Variants in MRPL18 observed in about 807,000 individuals in gnomAD.
The protein encoded by MRPL18 is mitochondrial ribosomal protein L18.
Under a neutral mutation model 20.9 loss-of-function variants are expected in MRPL18, and 16 were observed. The observed-to-expected ratio is 0.76, with a 90% CI of 0.52 to 1.16. The LOEUF is 1.16. Ranked by LOEUF, MRPL18 falls within the 50% of genes most tolerant of loss-of-function variation. MRPL18 has a pLI of 0.00. For missense variants in MRPL18, 233 were observed against 230.6 expected, an observed-to-expected ratio of 1.01 and a Z score of -0.07; for synonymous variants, 91 against 87.1, an observed-to-expected ratio of 1.04 and a Z score of -0.25.
Position 159,790,484 on chromosome 6 carries a change from C to T in MRPL18, c.-104C>T. 1 of 1,501,264 alleles carries T rather than the reference C, an allele frequency of 6.7e-7. No individual in the cohort carries two copies. The highest frequency in any genetic ancestry group is 1.1e-5 in the South Asian group (1 of 87,246). 93.0% of individuals were successfully genotyped at this position (1,501,264 alleles called of 1,614,324 possible). ...CTGGCGTGGAGAGTTTGGGGATCTA[C>T]AGCAGCCAAAGGCTTGTCCCTGACT... On this transcript the variant is annotated 5_prime_UTR_variant, in exon 1 of 4. Transcript: ENST00000367034.
intron 2 of MRPL18, among the ~76,000 whole-genome samples, chr6:159,795,711 T>C (rs1036733325): frequency 6.6e-6 from 1 of 152,262 alleles, no homozygotes; most frequent in Admixed American, 6.5e-5. Context: ...TTGATCATTT[T>C]CTTGTTAATT....
At chr6:159,790,259 C>T (rs1444009500), upstream of MRPL18, among the ~76,000 whole-genome samples, 1 of 152,156 alleles carries the variant, frequency 6.6e-6, no homozygotes, top group East Asian at 1.9e-4. Context: ...GTAGAAAACC[C>T]AAACATGGTT....
chr6:159,793,356 G>A (rs1385940157), intron 2 of MRPL18, among the ~76,000 whole-genome samples: 2 of 111,260 alleles, frequency 1.8e-5, no homozygotes, highest in African/African-American at 3.0e-5. Flanking sequence ...CTAAAAACTT[G>A]TTTTTACTTT....
chr6:159,790,706 G>A (rs956980408), intron 1 of MRPL18, 67 bp downstream of exon 1: 2 of 1,580,838 alleles, frequency 1.3e-6, no homozygotes, highest in African/African-American at 1.4e-5. Context: ...TGGAACGTGC[G>A]GGTTCTATTT....
chr6:159,797,484 A>C lies in MRPL18; in HGVS notation c.437A>C (p.Tyr146Ser), dbSNP rs1583157333. The change falls in exon 3 of 4, where the codon TAC becomes TCC. Residue 146 changes from tyrosine (Y) to serine (S), a missense_variant. Tyr to Ser is a moderately radical substitution (Grantham distance 144). Transcript: ENST00000367034. ...CLEAGINFMV[Y>S]QPTPWEAASD... ...GAGGCGGGAATCAACTTCATGGTCT[A>C]CCAACCAACCCCGTGGGAGGCAGCC... is the stretch of plus-strand genomic sequence containing the variant. The C allele has an allele frequency of 6.2e-7, 1 of 1,614,230 alleles. No individual in the cohort carries two copies.
chr6:159,791,191 C>T (rs1780886218), intron 2 of MRPL18, 65 bp downstream of exon 2: 4 of 1,562,754 alleles, frequency 2.6e-6, no homozygotes, highest in Non-Finnish European at 2.6e-6. Context: ...ATTCATTCAA[C>T]TCCAGGCACT....
chr6:159,790,587 G>A lies in MRPL18; in HGVS notation c.-1G>A, dbSNP rs1780848668. 1.2e-6 allele frequency: 2 copies of A among 1,601,006 alleles called. No homozygotes were observed. The highest frequency in any genetic ancestry group is 1.7e-6 in the Non-Finnish European group (2 of 1,175,688). On this transcript the variant is annotated 5_prime_UTR_variant, in exon 1 of 4. Coordinates refer to ENST00000367034, the MANE Select transcript of MRPL18 (RefSeq NM_014161.5). ...GAGGCTTTTCCGAGATCGTCTCAGCGATGGCGCTTCGGTCGCGGTTTTGGG... is the reference window on the plus strand; with the variant it reads ...GAGGCTTTTCCGAGATCGTCTCAGCAATGGCGCTTCGGTCGCGGTTTTGGG...
Position 159,798,183 on chromosome 6 carries a change from A to C in MRPL18, c.*60A>C. ...AAATCTGTCAGCCACTACAGCCATCAAAAGAGAGCATCTGGAAGAACAGCC... is the reference window on the plus strand; with the variant it reads ...AAATCTGTCAGCCACTACAGCCATCCAAAGAGAGCATCTGGAAGAACAGCC... On this transcript the variant is annotated 3_prime_UTR_variant, in exon 4 of 4. Transcript: ENST00000367034. 2 of 1,376,824 alleles carry C rather than the reference A, an allele frequency of 1.5e-6. No individual in the cohort carries two copies. Among genetic ancestry groups the C allele is most frequent in the Non-Finnish European group, 2.0e-6 (2 of 979,984 alleles). The allele number at this position is 1,376,824 out of a possible 1,614,324, so 85.3% of individuals were successfully genotyped here.
At chr6:159,790,839 C>T in intron 1 of MRPL18, 101 bp from the exon 2 acceptor site, 4 of 1,481,180 alleles carry the variant, frequency 2.7e-6, no homozygotes, top group Middle Eastern at 2.0e-4. Flanking sequence ...CCCCTCGGGC[C>T]TAAAGATTGG....
chr6:159,791,343 A>G (rs1005941286), intron 2 of MRPL18, among the ~76,000 whole-genome samples: 3 of 152,208 alleles, frequency 2.0e-5, no homozygotes, highest in Non-Finnish European at 2.9e-5. Flanking sequence ...GTGACATTTA[A>G]GAAGGTGAGA....
upstream of MRPL18, chr6:159,790,177 C>T (rs1397817522): frequency 2.0e-5 from 5 of 254,950 alleles, no homozygotes; most frequent in East Asian, 4.0e-4. Context: ...CTGCATCTTG[C>T]CCTGCCTTAT....
Position 159,797,464 on chromosome 6 carries a change from G to A in MRPL18, c.417G>A (p.Ala139=), listed in dbSNP as rs1407269347. The change falls in exon 3 of 4, where the codon GCG becomes GCA. Residue 139 remains alanine, a synonymous_variant. Coordinates refer to ENST00000367034, the MANE Select transcript of MRPL18 (RefSeq NM_014161.5). ...TGCTGGCACAGAGATGCTTAGAGGC[G>A]GGAATCAACTTCATGGTCTACCAAC... The part of the protein sequence containing the change: ...GRVLAQRCLE[A]GINFMVYQPT... 5.6e-6 allele frequency: 9 copies of A among 1,614,058 alleles called. No individual in the cohort carries two copies. Among genetic ancestry groups the A allele is most frequent in the East Asian group, 2.2e-5 (1 of 44,902 alleles).
upstream of MRPL18, chr6:159,790,327 G>C (rs577367185): frequency 3.3e-6 from 2 of 601,146 alleles, no homozygotes; most frequent in South Asian, 2.0e-5. Flanking sequence ...CTTGGGCGTA[G>C]CTACGAGGTG....
chr6:159,797,482 C>A lies in MRPL18; in HGVS notation c.435C>A (p.Val145=). 1 of 1,614,208 alleles carries A rather than the reference C, an allele frequency of 6.2e-7. No homozygotes were observed. The highest frequency in any genetic ancestry group is 8.5e-7 in the Non-Finnish European group (1 of 1,180,042). ...TAGAGGCGGGAATCAACTTCATGGTCTACCAACCAACCCCGTGGGAGGCAG... is the reference window on the plus strand; with the variant it reads ...TAGAGGCGGGAATCAACTTCATGGTATACCAACCAACCCCGTGGGAGGCAG... The part of the protein sequence containing the change: ...RCLEAGINFM[V]YQPTPWEAAS... Residue 145 remains valine, a synonymous_variant, in exon 3 of 4, where the codon GTC becomes GTA. Coordinates refer to ENST00000367034, the MANE Select transcript of MRPL18 (RefSeq NM_014161.5).
intron 2 of MRPL18, among the ~76,000 whole-genome samples, chr6:159,791,598 T>C (rs932885179): frequency 3.9e-5 from 6 of 152,192 alleles, no homozygotes; most frequent in East Asian, 1.9e-4. Flanking sequence ...TGAGCCCGAA[T>C]TGGTTTTTCA....
intron 2 of MRPL18, among the ~76,000 whole-genome samples, chr6:159,791,544 C>T (rs1780900009): frequency 1.3e-5 from 2 of 152,190 alleles, no homozygotes; most frequent in Admixed American, 6.5e-5. Flanking sequence ...GCACTTTAGA[C>T]TTTCTTTTCA....
chr6:159,790,865 T>C (rs905298270), intron 1 of MRPL18, 75 bp from the exon 2 acceptor site: 3 of 1,554,850 alleles, frequency 1.9e-6, no homozygotes, highest in Non-Finnish European at 2.6e-6. Flanking sequence ...TAAAAGCGGA[T>C]AGACGTTAGA....
intron 3 of MRPL18, 44 bp from the exon 4 acceptor site, chr6:159,798,008 T>C: frequency 6.6e-7 from 1 of 1,517,426 alleles, no homozygotes; most frequent in African/African-American, 1.4e-5. Flanking sequence ...CTACTCGTGC[T>C]GCTGACTTAA....
Position 159,791,758 on chromosome 6 carries a change from A to G in MRPL18, c.239+632A>G, listed in dbSNP as rs116776133. On this transcript the variant is annotated intron_variant, in intron 2 of 3. Transcript: ENST00000367034. ...CGTCTCTACTAAAAATATAAAAATT[A>G]GAGGGGCGTGGTGGTGCACGCCTGT... Among the ~76,000 whole-genome samples the G allele has an allele frequency of 6.2e-3, 947 of 152,290 alleles. 10 individuals are homozygous for G. The highest frequency in any genetic ancestry group is 0.022 in the African/African-American group (913 of 41,572).
Sources: allele counts gnomAD v4.1 joint callset (sites outside exome capture counted in the v4.1 genomes callset), GRCh38; gene constraint gnomAD v4.1.1; transcripts MANE v1.5; gene names NCBI Gene and HGNC (gene_info 2026-07-23, HGNC 2026-07-21).